The following STK10 variants were observed in gnomAD, a reference collection of about 807,000 sequenced individuals.
STK10 encodes the protein serine/threonine-protein kinase 10.
In STK10, 78 loss-of-function variants were observed where a neutral mutation model predicts 113.8. The observed-to-expected ratio is 0.69, with a 90% CI of 0.57 to 0.83. STK10 has a LOEUF of 0.83. STK10 is among the 40% of genes least tolerant of loss of function. The pLI, the probability that STK10 is intolerant of heterozygous loss-of-function variation, is 0.00. For synonymous variants in STK10, 465 were observed against 494.7 expected, an observed-to-expected ratio of 0.94 and a Z score of 0.80; for missense variants, 1,109 against 1,280.1, an observed-to-expected ratio of 0.87 and a Z score of 2.04.
At chr5:172,162,831 T>C (rs1019148580) in intron 1 of STK10, among the ~76,000 whole-genome samples, 1 of 152,220 alleles carries the variant, frequency 6.6e-6, no homozygotes, top group African/African-American at 2.4e-5. Context: ...TGTCTCCTGA[T>C]GGTGGAGGAG....
intron 2 of STK10, among the ~76,000 whole-genome samples, chr5:172,153,687 C>T (rs1294448761): frequency 6.6e-6 from 1 of 152,212 alleles, no homozygotes. Context: ...GAAAAGTGGG[C>T]TCCTAAAGCC....
intron 9 of STK10, among the ~76,000 whole-genome samples, chr5:172,091,060 G>A (rs1768692768): frequency 6.6e-6 from 1 of 151,896 alleles, no homozygotes; most frequent in African/African-American, 2.4e-5. Flanking sequence ...CACCTGTTCA[G>A]GGAGGATAGT....
rs192317158 is a variant in STK10, at chr5:172,164,188, G to T, written c.157-7400C>A. Among the ~76,000 whole-genome samples, 86 of 143,106 alleles carry T rather than the reference G, an allele frequency of 6.0e-4. 1 individual carries two copies. Among genetic ancestry groups the T allele is most frequent in the Admixed American group, 5.6e-3 (77 of 13,706 alleles). The allele number at this position is 143,106 out of a possible 152,430, so 93.9% of individuals were successfully genotyped here. A position where few individuals can be genotyped will look rare whatever the true frequency, so the allele number is the denominator to read the frequency against. On this transcript the variant is annotated intron_variant, in intron 1 of 18. Coordinates refer to ENST00000176763, the MANE Select transcript of STK10 (RefSeq NM_005990.4). ...GATAGCGCCATTGCACTCCAGCCCG[G>T]GCAACAAGAGCGAAACTCCATCTAA...
intron 1 of STK10, among the ~76,000 whole-genome samples, chr5:172,167,259 T>C (rs1770589639): frequency 6.7e-6 from 1 of 148,264 alleles, no homozygotes. Context: ...GTGAAATCAC[T>C]AAAGACAATG....
chr5:172,068,550 T>A (rs1768117114), intron 12 of STK10, among the ~76,000 whole-genome samples: 1 of 152,140 alleles, frequency 6.6e-6, no homozygotes, highest in African/African-American at 2.4e-5. Flanking sequence ...ATGGTAAATA[T>A]CTGGATAAAC....
Position 172,093,840 on chromosome 5 carries a change from TCA to T in STK10, c.1124_1125del (p.Val375GlufsTer2), listed in dbSNP as rs1262440622. Reference sequence around the variant, plus strand: ...CCAGAGGGCTGGCTGCAGGGCTCATTCACACTGTCCTGAGACTGGCTGGGTGC... The same window carrying T: ...CCAGAGGGCTGGCTGCAGGGCTCATTCACTGTCCTGAGACTGGCTGGGTGC... ...PLAPSQSQDS[V>X]NEPCSQPSGD... On this transcript the variant is annotated frameshift_variant, in exon 9 of 19. Transcript: ENST00000176763. LOFTEE classifies it high-confidence loss of function. The surrounding 1 kb of genome is among the most constrained non-coding windows in gnomAD (Gnocchi z 4.1). The T allele has an allele frequency of 6.2e-7, 1 of 1,601,598 alleles. No homozygotes were observed. Among genetic ancestry groups the T allele is most frequent in the Non-Finnish European group, 8.5e-7 (1 of 1,171,748 alleles).
chr5:172,141,974 T>C (rs1769982010), intron 2 of STK10, among the ~76,000 whole-genome samples: 1 of 152,182 alleles, frequency 6.6e-6, no homozygotes, highest in Non-Finnish European at 1.5e-5. Flanking sequence ...CATTCATAAA[T>C]TTATCAGGCA....
At position 172,136,322 on chromosome 5, in the gene STK10, C is replaced by T. The variant is rs531491344; in HGVS notation, c.322-8901G>A. On this transcript the variant is annotated intron_variant, in intron 2 of 18. Transcript: ENST00000176763. ...ATTTAAAACCTCCACACAGGCTGGG[C>T]GCAGTGGCTCACGCCTGTCATCCCA... Among the ~76,000 whole-genome samples the T allele has an allele frequency of 3.5e-4, 53 of 152,302 alleles. 1 individual carries two copies. In the South Asian group the frequency reaches 8.7e-3, roughly 25 times the overall value.
chr5:172,048,610 TACCATCCTAGTTCAAG>T (rs1190903166), intron 18 of STK10, among the ~76,000 whole-genome samples: 2 of 110,302 alleles, frequency 1.8e-5, no homozygotes, highest in African/African-American at 6.6e-5. Context: ...CAACCTCTGA[TACCATCCTAGTTCAAG>T]ATACCACCCT....
intron 13 of STK10, chr5:172,064,328 A>G (rs3812023): frequency 0.54 from 107,958 of 201,582 alleles, 29,671 homozygotes; most frequent in Admixed American, 0.61. Context: ...AGAGCATAAC[A>G]GGACCAGGTC....
intron 6 of STK10, 32 bp downstream of exon 6, chr5:172,106,588 C>A (rs777567974): frequency 6.3e-7 from 1 of 1,598,802 alleles, no homozygotes; most frequent in Admixed American, 1.7e-5. Context: ...GGCGCAGGCA[C>A]CCCGGCAGGT....
chr5:172,162,296 C>CCA (rs1392363764), intron 1 of STK10, among the ~76,000 whole-genome samples: 2 of 151,860 alleles, frequency 1.3e-5, no homozygotes, highest in Non-Finnish European at 2.9e-5. Flanking sequence ...GCCGACTGCG[C>CCA]CACTGCACTC....
chr5:172,063,111 G>C (rs1230161478), intron 13 of STK10, among the ~76,000 whole-genome samples: 1 of 152,024 alleles, frequency 6.6e-6, no homozygotes, highest in Non-Finnish European at 1.5e-5. Flanking sequence ...TTAGCTAGGC[G>C]TGATGGCAGG....
rs933069678 is a variant in STK10 at position 172,120,318 on chromosome 5, C to T, written c.371-2688G>A. Among the ~76,000 whole-genome samples, 3 of 152,192 alleles carry T rather than the reference C, an allele frequency of 2.0e-5. No individual in the cohort carries two copies. Reference sequence around the variant, plus strand: ...CAGGAATCCACAAGGCTCAGCTCTCCCAGCCAGGCCCTCAGGAGTGGTATA... The same window carrying T: ...CAGGAATCCACAAGGCTCAGCTCTCTCAGCCAGGCCCTCAGGAGTGGTATA... On this transcript the variant is annotated intron_variant, in intron 3 of 18. Transcript: ENST00000176763. This position sits in a 1 kb window ranked among gnomAD's most constrained non-coding sequence, Gnocchi z 4.0.
intron 1 of STK10, among the ~76,000 whole-genome samples, chr5:172,186,515 C>T (rs1479853482): frequency 6.6e-6 from 1 of 151,016 alleles, no homozygotes; most frequent in African/African-American, 2.4e-5. Context: ...CTAGCTACTC[C>T]GAAGGCTGAG....
intron 12 of STK10, among the ~76,000 whole-genome samples, chr5:172,078,460 C>T (rs1480419960): frequency 2.0e-5 from 3 of 151,558 alleles, no homozygotes; most frequent in Admixed American, 6.6e-5. Flanking sequence ...TCAAGACCAG[C>T]CTGGGCAAGT....
Position 172,105,651 on chromosome 5 carries a change from C to T in STK10, c.870+5G>A, listed in dbSNP as rs768154566. On this transcript the variant is annotated splice_donor_5th_base_variant and intron_variant, in intron 7 of 18. Transcript: ENST00000176763. Reference sequence around the variant, plus strand: ...GGGAGCAGAGTGGGAGGGGAATCCACTCACCTCCAGCAGCTGCGCGGCACT... The same window carrying T: ...GGGAGCAGAGTGGGAGGGGAATCCATTCACCTCCAGCAGCTGCGCGGCACT... The T allele has an allele frequency of 1.9e-6, 3 of 1,613,484 alleles. No homozygotes were observed. Among genetic ancestry groups the T allele is most frequent in the Middle Eastern group, 3.3e-4 (2 of 6,080 alleles).
At chr5:172,154,441 G>A (rs4868146) in intron 2 of STK10, among the ~76,000 whole-genome samples, 61,998 of 152,014 alleles carry the variant, frequency 0.41, 13,921 homozygotes, top group African/African-American at 0.61. Flanking sequence ...CCTCCACACC[G>A]CTGCCCACGC....
Position 172,117,375 on chromosome 5 carries a change from C to T in STK10, c.520+106G>A, listed in dbSNP as rs140687864. 1,941 of 1,403,628 alleles carry T rather than the reference C, an allele frequency of 1.4e-3. 23 individuals carry two copies. In the African/African-American group the frequency reaches 0.022, roughly 16 times the overall value. The allele number at this position is 1,403,628 out of a possible 1,614,324, so 86.9% of individuals were successfully genotyped here. A position where few individuals can be genotyped will look rare whatever the true frequency, so the allele number is the denominator to read the frequency against. On this transcript the variant is annotated intron_variant, in intron 4 of 18. Transcript: ENST00000176763. Reference sequence around the variant, plus strand: ...TGCCAAGAGGGCGTAGGCGTGAGGACCCCACACCCCCATGAGGTCCACACT... The same window carrying T: ...TGCCAAGAGGGCGTAGGCGTGAGGATCCCACACCCCCATGAGGTCCACACT...
Sources: allele counts gnomAD v4.1 joint callset (sites outside exome capture counted in the v4.1 genomes callset), GRCh38; gene constraint gnomAD v4.1.1; non-coding constraint Gnocchi (gnomAD v3.1); transcripts MANE v1.5; gene names NCBI Gene and HGNC (gene_info 2026-07-23, HGNC 2026-07-21).